Variants in TGFBR1 observed in about 807,000 individuals in gnomAD.
The protein encoded by TGFBR1 is transforming growth factor beta receptor 1.
A neutral mutation model predicts 55.1 loss-of-function variants in TGFBR1; 20 were observed. The observed-to-expected ratio is 0.36, with a 90% CI of 0.26 to 0.53. The LOEUF is 0.53. TGFBR1 is among the 20% of genes least tolerant of loss of function. The probability of loss-of-function intolerance (pLI) is 0.91; values close to 1 mark genes in which losing one functional copy is unlikely to be tolerated. For missense variants in TGFBR1, 385 were observed against 617.6 expected, an observed-to-expected ratio of 0.62 and a Z score of 3.99; for synonymous variants, 220 against 214.8, an observed-to-expected ratio of 1.02 and a Z score of -0.21.
At chr9:99,133,963 C>T (rs1249243326) in intron 3 of TGFBR1, among the ~76,000 whole-genome samples, 4 of 147,688 alleles carry the variant, frequency 2.7e-5, no homozygotes, top group Admixed American at 1.4e-4. Flanking sequence ...GAGATCGCAC[C>T]ACTGCACTCC....
chr9:99,126,781 C>A (rs1353022281), intron 1 of TGFBR1, among the ~76,000 whole-genome samples: 1 of 152,178 alleles, frequency 6.6e-6, no homozygotes, highest in Non-Finnish European at 1.5e-5. Flanking sequence ...ATTACTGTCT[C>A]TTTTAGCAGT....
chr9:99,137,763 G>C, intron 3 of TGFBR1, 96 bp from the exon 4 acceptor site: 1 of 917,680 alleles, frequency 1.1e-6, no homozygotes, highest in Non-Finnish European at 1.8e-6. Context: ...ATAGCTTAAA[G>C]TATCAGTTTT....
At chr9:99,143,083 A>AGT (rs1827676055) in intron 5 of TGFBR1, among the ~76,000 whole-genome samples, 1 of 152,148 alleles carries the variant, frequency 6.6e-6, no homozygotes, top group Non-Finnish European at 1.5e-5. Context: ...AAACAAAAAC[A>AGT]GTAGGTGGCC....
rs1828033430 is a variant in TGFBR1 at position 99,153,676 on chromosome 9, G to C, written c.*4371G>C. The C allele has an allele frequency of 5.0e-6, 1 of 198,654 alleles. No homozygotes were observed. The highest frequency in any genetic ancestry group is 2.3e-5 in the African/African-American group (1 of 43,418). The allele number at this position is 198,654 out of a possible 1,614,324, so 12.3% of individuals were successfully genotyped here. On this transcript the variant is annotated 3_prime_UTR_variant, in exon 9 of 9. Transcript: ENST00000374994. ...TGCCAGTGGCATATTTTAAAATAAAGTGTATACGTTGGAATGAGTCATGCC... is the reference window on the plus strand; with the variant it reads ...TGCCAGTGGCATATTTTAAAATAAACTGTATACGTTGGAATGAGTCATGCC...
chr9:99,143,353 A>G (rs551353629), intron 5 of TGFBR1, among the ~76,000 whole-genome samples: 10 of 152,356 alleles, frequency 6.6e-5, no homozygotes, highest in Admixed American at 1.3e-4. Context: ...GTAAACATCA[A>G]CATGCTAGGT....
chr9:99,133,500 TAA>T (rs1342527743), intron 3 of TGFBR1, among the ~76,000 whole-genome samples: 3 of 152,310 alleles, frequency 2.0e-5, no homozygotes, highest in African/African-American at 7.2e-5. Context: ...GGAAAAATAT[TAA>T]GAGAGGAACA....
At chr9:99,113,952 C>T (rs919003444) in intron 1 of TGFBR1, among the ~76,000 whole-genome samples, 1 of 152,126 alleles carries the variant, frequency 6.6e-6, no homozygotes, top group African/African-American at 2.4e-5. Flanking sequence ...GGTAGGAGGT[C>T]GGACTTGTTT....
intron 1 of TGFBR1, 149 bp from the exon 2 acceptor site, chr9:99,128,706 C>CA: frequency 9.6e-7 from 1 of 1,036,288 alleles, no homozygotes; most frequent in South Asian, 1.3e-5. Context: ...CTAAGAGCAA[C>CA]AAATAGTTGT....
At chr9:99,107,642 T>A (rs1826452754) in intron 1 of TGFBR1, among the ~76,000 whole-genome samples, 1 of 152,230 alleles carries the variant, frequency 6.6e-6, no homozygotes. Flanking sequence ...TAGGCTTTTC[T>A]ATGGCTACTG....
At chr9:99,111,500 G>T (rs1341744898) in intron 1 of TGFBR1, among the ~76,000 whole-genome samples, 6 of 151,720 alleles carry the variant, frequency 4.0e-5, no homozygotes, top group Admixed American at 2.0e-4. Context: ...GTAGTGGCAG[G>T]CACCTGTAAT....
chr9:99,145,323 T>A (rs1588593785), intron 6 of TGFBR1, among the ~76,000 whole-genome samples: 2 of 152,292 alleles, frequency 1.3e-5, no homozygotes, highest in Admixed American at 1.3e-4. Context: ...GGAGCATACT[T>A]TACCCTACTG....
chr9:99,133,860 C>T (rs1020423153), intron 3 of TGFBR1, among the ~76,000 whole-genome samples: 26 of 151,816 alleles, frequency 1.7e-4, no homozygotes, highest in Non-Finnish European at 1.5e-4. Flanking sequence ...AAAAATTAGC[C>T]GGGCGTAGTG....
chr9:99,105,095 C>T, upstream of TGFBR1: 1 of 876,200 alleles, frequency 1.1e-6, no homozygotes, highest in Non-Finnish European at 1.4e-6. Context: ...TTACAAAGGG[C>T]CGGAGCGAGG....
At chr9:99,135,020 T>C (rs1177710394) in intron 3 of TGFBR1, among the ~76,000 whole-genome samples, 1 of 151,670 alleles carries the variant, frequency 6.6e-6, no homozygotes, top group Non-Finnish European at 1.5e-5. Flanking sequence ...ATGAAAGTGA[T>C]GGATTCTGTG....
chr9:99,128,715 GT>G lies in TGFBR1; in HGVS notation c.98-134del, dbSNP rs753538434. On this transcript the variant is annotated intron_variant, in intron 1 of 8. Transcript: ENST00000374994. ...AAACTTCTAAGAGCAACAAATAGTT[GT>G]TTTTTGCTTCTAAGAGCAACAAACA... is the stretch of plus-strand genomic sequence containing the variant. 5.3e-6 allele frequency: 6 copies of G among 1,125,694 alleles called. No individual in the cohort carries two copies. The Admixed American group carries it at 1.2e-4, about 22-fold the overall frequency. 69.7% of individuals were successfully genotyped at this position (1,125,694 alleles called of 1,614,324 possible). A position where few individuals can be genotyped will look rare whatever the true frequency, so the allele number is the denominator to read the frequency against.
chr9:99,133,606 C>A (rs1020032739), intron 3 of TGFBR1, among the ~76,000 whole-genome samples: 1 of 152,098 alleles, frequency 6.6e-6, no homozygotes, highest in Non-Finnish European at 1.5e-5. Flanking sequence ...GGCTGTATAA[C>A]CTTGGTTAGA....
intron 4 of TGFBR1, among the ~76,000 whole-genome samples, chr9:99,141,211 C>T (rs1827607226): frequency 6.6e-6 from 1 of 152,146 alleles, no homozygotes; most frequent in Non-Finnish European, 1.5e-5. Flanking sequence ...TGCAAATAAG[C>T]TAGTGATGTG....
At chr9:99,113,484 G>C (rs556983424) in intron 1 of TGFBR1, among the ~76,000 whole-genome samples, 30 of 152,242 alleles carry the variant, frequency 2.0e-4, no homozygotes, top group South Asian at 8.3e-4. Flanking sequence ...CATGTGACTT[G>C]GTTGTCAGAA....
rs1298195371 is a variant in TGFBR1, at chr9:99,142,522, A to G, written c.806-14A>G. The G allele has an allele frequency of 1.9e-6, 3 of 1,613,982 alleles. No homozygotes were observed. In the Admixed American group the frequency reaches 5.0e-5, roughly 27 times the overall value. On this transcript the variant is annotated splice_polypyrimidine_tract_variant and intron_variant, in intron 4 of 8. Transcript: ENST00000374994. ...GGTCTGCAGCCCAACCGAAATGTTA[A>G]TTCTGTTTTACAGACAATGGTACTT... is the stretch of plus-strand genomic sequence containing the variant.
Sources: allele counts gnomAD v4.1 joint callset (sites outside exome capture counted in the v4.1 genomes callset), GRCh38; gene constraint gnomAD v4.1.1; transcripts MANE v1.5; gene names NCBI Gene and HGNC (gene_info 2026-07-23, HGNC 2026-07-21).